DLGAP2: variants seen among roughly 807,000 people sequenced by gnomAD.
DLGAP2 encodes DLG associated protein 2.
Under a neutral mutation model 100.3 loss-of-function variants are expected in DLGAP2, and 26 were observed. The ratio of observed to expected loss-of-function variants is 0.26; its 90% CI spans 0.19 to 0.36. The LOEUF is 0.36. Ranked by LOEUF, DLGAP2 falls within the 10% of genes least tolerant of loss-of-function variation. The probability of loss-of-function intolerance (pLI) is 1.00; values close to 1 mark genes in which losing one functional copy is unlikely to be tolerated. For missense variants in DLGAP2, 1,858 were observed against 1,453.2 expected, an observed-to-expected ratio of 1.28 and a Z score of -4.53; for synonymous variants, 886 against 630.1, an observed-to-expected ratio of 1.41 and a Z score of -6.08.
intron 2 of DLGAP2, among the ~76,000 whole-genome samples, chr8:1,198,301 G>T (rs1234021715): frequency 2.0e-5 from 3 of 152,174 alleles, no homozygotes; most frequent in African/African-American, 7.2e-5. Flanking sequence ...TGACCAGAAA[G>T]CAGCCCAGAA....
chr8:1,277,754 C>G (rs1799733265), intron 3 of DLGAP2, among the ~76,000 whole-genome samples: 1 of 152,124 alleles, frequency 6.6e-6, no homozygotes, highest in South Asian at 2.1e-4. Context: ...GGGAGCACCC[C>G]CACCCTTGGC....
At chr8:1,175,857 T>C (rs1797241535) in intron 2 of DLGAP2, among the ~76,000 whole-genome samples, 1 of 152,208 alleles carries the variant, frequency 6.6e-6, no homozygotes, top group African/African-American at 2.4e-5. Flanking sequence ...CAAACCTAGA[T>C]TAAAACCCTG....
At chr8:989,680 A>AT (rs1303785019) in intron 2 of DLGAP2, among the ~76,000 whole-genome samples, 3 of 152,190 alleles carry the variant, frequency 2.0e-5, no homozygotes, top group Admixed American at 1.3e-4. Context: ...AAAGTGAATG[A>AT]TTGACATAAT....
At chr8:1,345,922 G>A (rs1255311123) in intron 3 of DLGAP2, among the ~76,000 whole-genome samples, 1 of 152,182 alleles carries the variant, frequency 6.6e-6, no homozygotes, top group Non-Finnish European at 1.5e-5. Flanking sequence ...GTGACTCCAG[G>A]CAGGAAAGAC....
intron 3 of DLGAP2, among the ~76,000 whole-genome samples, chr8:1,329,196 A>G (rs1410874152): frequency 6.6e-6 from 1 of 152,226 alleles, no homozygotes; most frequent in Non-Finnish European, 1.5e-5. Flanking sequence ...AGAAACCTTT[A>G]TGGATTAAAA....
At chr8:1,456,903 C>T (rs908938044) in intron 3 of DLGAP2, among the ~76,000 whole-genome samples, 3 of 115,826 alleles carry the variant, frequency 2.6e-5, no homozygotes, top group African/African-American at 6.3e-5. Context: ...CCGATGAGCC[C>T]GGTGCCTGCC....
intron 3 of DLGAP2, among the ~76,000 whole-genome samples, chr8:1,320,634 A>C (rs1800874734): frequency 2.0e-5 from 3 of 152,102 alleles, no homozygotes; most frequent in Non-Finnish European, 4.4e-5. Context: ...GTCATATGGG[A>C]CTAATTGCAG....
chr8:1,516,378 A>AGTGACTGAGTGAATGAGTGG (rs1800383431), intron 4 of DLGAP2, among the ~76,000 whole-genome samples: 5 of 151,876 alleles, frequency 3.3e-5, no homozygotes, highest in African/African-American at 1.2e-4. Flanking sequence ...TGAGTGAGTG[A>AGTGACTGAGTGAATGAGTGG]GTGACTGAGT....
intron 2 of DLGAP2, among the ~76,000 whole-genome samples, chr8:936,430 T>C (rs1298815648): frequency 2.6e-5 from 4 of 152,312 alleles, no homozygotes; most frequent in African/African-American, 9.6e-5. Context: ...GCCTTTCTTT[T>C]AAGAACTTAA....
intron 2 of DLGAP2, among the ~76,000 whole-genome samples, chr8:1,175,396 T>A (rs1797231830): frequency 6.6e-6 from 1 of 152,190 alleles, no homozygotes; most frequent in Admixed American, 6.5e-5. Flanking sequence ...GCTGTAAAAA[T>A]TACATTACCA....
intron 8 of DLGAP2, among the ~76,000 whole-genome samples, chr8:1,634,336 A>G (rs1048890793): frequency 2.0e-5 from 3 of 152,218 alleles, no homozygotes; most frequent in African/African-American, 4.8e-5. Context: ...GGAGAAAGGC[A>G]ACAGATCCTG....
chr8:1,434,923 G>A (rs779057304), intron 3 of DLGAP2, among the ~76,000 whole-genome samples: 6 of 152,054 alleles, frequency 3.9e-5, no homozygotes, highest in African/African-American at 9.7e-5. Flanking sequence ...AGGAATGGGC[G>A]TGCCTGGTCT....
chr8:1,441,543 C>G (rs1797832354), intron 3 of DLGAP2, among the ~76,000 whole-genome samples: 1 of 151,926 alleles, frequency 6.6e-6, no homozygotes, highest in Admixed American at 6.6e-5. Context: ...CAAAAATTAG[C>G]CAGGCGTGTT....
intron 3 of DLGAP2, among the ~76,000 whole-genome samples, chr8:1,324,402 G>T (rs984723814): frequency 3.9e-5 from 6 of 152,158 alleles, no homozygotes; most frequent in Non-Finnish European, 1.5e-5. Flanking sequence ...TGATGTTTCA[G>T]CTGGCCTTTA....
chr8:1,411,550 T>G (rs960313360), intron 3 of DLGAP2, among the ~76,000 whole-genome samples: 1 of 152,166 alleles, frequency 6.6e-6, no homozygotes, highest in Non-Finnish European at 1.5e-5. Flanking sequence ...CGGTAGAGCC[T>G]TGGGCAGATT....
chr8:1,116,897 T>C (rs927113706), intron 2 of DLGAP2, among the ~76,000 whole-genome samples: 1 of 152,152 alleles, frequency 6.6e-6, no homozygotes, highest in Non-Finnish European at 1.5e-5. Context: ...ACACAGTTGA[T>C]GGGAAGACAG....
chr8:1,214,430 C>T (rs528552094), intron 2 of DLGAP2, among the ~76,000 whole-genome samples: 1 of 152,198 alleles, frequency 6.6e-6, no homozygotes, highest in Non-Finnish European at 1.5e-5. Context: ...AGGTAGCAAG[C>T]AGGGCTGTTT....
intron 2 of DLGAP2, among the ~76,000 whole-genome samples, chr8:1,080,375 C>T (rs947847684): frequency 2.6e-5 from 4 of 152,224 alleles, no homozygotes; most frequent in South Asian, 2.1e-4. Flanking sequence ...CTTTAGTGCC[C>T]TCACAGAGGT....
chr8:1,127,769 C>G (rs1796201509), intron 2 of DLGAP2, among the ~76,000 whole-genome samples: 1 of 152,158 alleles, frequency 6.6e-6, no homozygotes, highest in Non-Finnish European at 1.5e-5. Context: ...GTTAACTACG[C>G]CCGTTCTGTT....
Sources: gnomAD v4.1 joint callset for allele counts (sites outside exome capture counted in the v4.1 genomes callset) on GRCh38, gnomAD v4.1.1 for gene constraint, MANE v1.5 for transcripts, NCBI Gene and HGNC (gene_info 2026-07-23, HGNC 2026-07-21) for gene names.